FAM107B: variants seen among roughly 807,000 people sequenced by gnomAD.
The protein encoded by FAM107B is protein FAM107B.
A neutral mutation model predicts 31.5 loss-of-function variants in FAM107B; 21 were observed. The ratio of observed to expected loss-of-function variants is 0.67; its 90% confidence interval spans 0.47 to 0.96. The LOEUF is 0.96. Among genes scored for constraint, FAM107B ranks in the 40% least tolerant of loss-of-function variants. The pLI is 0.00. For missense variants in FAM107B, 452 were observed against 377.1 expected, an observed-to-expected ratio of 1.20 and a Z score of -1.64; for synonymous variants, 157 against 141.5, an observed-to-expected ratio of 1.11 and a Z score of -0.78.
At chr10:14,676,413 T>C (rs1272404360) in intron 1 of FAM107B, among the ~76,000 whole-genome samples, 1 of 152,112 alleles carries the variant, frequency 6.6e-6, no homozygotes, top group Non-Finnish European at 1.5e-5. Flanking sequence ...GCAAAAACTG[T>C]GCTTCCCTTT....
intron 2 of FAM107B, among the ~76,000 whole-genome samples, chr10:14,597,894 G>A (rs1281671088): frequency 3.3e-5 from 5 of 152,154 alleles, no homozygotes; most frequent in East Asian, 1.9e-4. Context: ...AGGTTGCAGT[G>A]AGCCGAGATG....
In FAM107B at chr10:14,583,100, A is replaced by AAG. The variant is rs1554836890; in HGVS notation, c.470-52586_470-52585insCT. ...AGACTCTGTCTCAAAAAAAAAAAAA[A>AAG]AAAAGAAAAGAAAGAAAGAAAGCCA... is the stretch of plus-strand genomic sequence containing the variant. On this transcript the variant is annotated intron_variant, in intron 2 of 4. Transcript: ENST00000181796. Among the ~76,000 whole-genome samples the AAG allele has an allele frequency of 3.9e-5, 6 of 151,990 alleles. No homozygotes were observed. The East Asian group carries it at 5.8e-4, about 15-fold the overall frequency.
chr10:14,758,873 G>GAAAAAAA (rs57967855), intron 1 of FAM107B, among the ~76,000 whole-genome samples: 1 of 38,980 alleles, frequency 2.6e-5, no homozygotes, highest in Non-Finnish European at 4.8e-5. Context: ...GACCCTCTCA[G>GAAAAAAA]AAAAAAAAAA....
chr10:14,739,870 C>A (rs552770987), intron 1 of FAM107B, among the ~76,000 whole-genome samples: 122 of 152,304 alleles, frequency 8.0e-4, no homozygotes, highest in Non-Finnish European at 1.5e-3. Context: ...AGGAGCAAGA[C>A]AGAGTCCTGA....
In FAM107B at chr10:14,588,461, G is replaced by A. The variant is rs145879765; in HGVS notation, c.470-57946C>T. 2.0e-4 allele frequency among the ~76,000 whole-genome samples: 30 copies of A among 152,284 alleles called. No homozygotes were observed. In the East Asian group the frequency reaches 4.4e-3, roughly 23 times the overall value. On this transcript the variant is annotated intron_variant, in intron 2 of 4. Coordinates refer to ENST00000181796, the MANE Select transcript of FAM107B (RefSeq NM_031453.4). ...GGGTCAGAGTACAAACCACGCCCACGTGAAAGTCTCCCTGGACGCTACCAG... is the reference window on the plus strand; with the variant it reads ...GGGTCAGAGTACAAACCACGCCCACATGAAAGTCTCCCTGGACGCTACCAG...
rs148415019 is a variant in FAM107B, at chr10:14,772,102, T to C, written c.411+2151A>G. ...CGGGCATGGTGGCTCACTCCTGTAA[T>C]CCCAGCACTTTGGGAGGCTGGGCGG... On this transcript the variant is annotated intron_variant, in intron 1 of 4. Coordinates refer to ENST00000181796, the MANE Select transcript of FAM107B (RefSeq NM_031453.4). 2.4e-3 allele frequency among the ~76,000 whole-genome samples: 364 copies of C among 152,220 alleles called. 7 individuals are homozygous for C. In the East Asian group the frequency reaches 0.052, roughly 22 times the overall value.
intron 2 of FAM107B, among the ~76,000 whole-genome samples, chr10:14,620,333 A>C (rs1331652582): frequency 6.6e-6 from 1 of 151,870 alleles, no homozygotes; most frequent in African/African-American, 2.4e-5. Flanking sequence ...TGGATTTTCT[A>C]TCCTGTTCCA....
intron 1 of FAM107B, among the ~76,000 whole-genome samples, chr10:14,725,619 C>CAGAGAGAGAGAA (rs1279936396): frequency 1.3e-5 from 2 of 150,624 alleles, no homozygotes; most frequent in East Asian, 3.9e-4. Context: ...GAGAGACAGA[C>CAGAGAGAGAGAA]AGAGAGAGAG....
intron 1 of FAM107B, among the ~76,000 whole-genome samples, chr10:14,727,677 T>C (rs1046804966): frequency 2.6e-5 from 4 of 152,230 alleles, no homozygotes; most frequent in Admixed American, 6.5e-5. Flanking sequence ...AGTTGTCCAC[T>C]GTGGCAGCTG....
intron 2 of FAM107B, among the ~76,000 whole-genome samples, chr10:14,608,746 A>G (rs1183978953): frequency 6.6e-6 from 1 of 152,230 alleles, no homozygotes; most frequent in African/African-American, 2.4e-5. Context: ...ACCATTAAAA[A>G]TGTCACAAGG....
intron 1 of FAM107B, among the ~76,000 whole-genome samples, chr10:14,720,341 C>T (rs1203658069): frequency 6.6e-6 from 1 of 152,186 alleles, no homozygotes; most frequent in Non-Finnish European, 1.5e-5. Context: ...GCAACCTCCG[C>T]CTCCCGTGTT....
In FAM107B at chr10:14,703,920, C is replaced by T. The variant is rs188194083; in HGVS notation, c.412-36229G>A. 4.6e-5 allele frequency among the ~76,000 whole-genome samples: 7 copies of T among 152,138 alleles called. No homozygotes were observed. In the South Asian group the frequency reaches 6.2e-4, roughly 14 times the overall value. The stretch of plus-strand genomic sequence containing the variant: ...TGAAGGGCTTGAGTAGAGAACCAGG[C>T]GTGATGATTTAAGAGCAAACATTTT... On this transcript the variant is annotated intron_variant, in intron 1 of 4. Coordinates refer to ENST00000181796, the MANE Select transcript of FAM107B (RefSeq NM_031453.4).
At chr10:14,555,160 G>T (rs1849589397) in intron 2 of FAM107B, among the ~76,000 whole-genome samples, 1 of 151,850 alleles carries the variant, frequency 6.6e-6, no homozygotes, top group South Asian at 2.1e-4. Flanking sequence ...TCAAACCAGA[G>T]GGATTTATAA....
rs1469883359 is a variant in FAM107B at position 14,572,738 on chromosome 10, TTTA to T, written c.470-42226_470-42224del. Among the ~76,000 whole-genome samples the T allele has an allele frequency of 1.3e-3, 158 of 120,188 alleles. 9 individuals carry two copies. Among genetic ancestry groups the T allele is most frequent in the African/African-American group, 4.8e-3 (148 of 30,664 alleles). The allele number at this position is 120,188 out of a possible 152,430, so 78.8% of individuals were successfully genotyped here. On this transcript the variant is annotated intron_variant, in intron 2 of 4. Transcript: ENST00000181796. Reference sequence around the variant, plus strand: ...CCATCTCTTCAAAAAAAAAAAAAAATTTATATATATATATATATATATTAGAGT... The same window carrying T: ...CCATCTCTTCAAAAAAAAAAAAAAATTATATATATATATATATATTAGAGT...
chr10:14,622,889 T>C (rs999006171), intron 2 of FAM107B, among the ~76,000 whole-genome samples: 2 of 152,220 alleles, frequency 1.3e-5, no homozygotes, highest in African/African-American at 4.8e-5. Flanking sequence ...GGGATTTCTT[T>C]CCTGTAGAAA....
At chr10:14,679,896 G>A (rs1020847379) in intron 1 of FAM107B, among the ~76,000 whole-genome samples, 6 of 152,122 alleles carry the variant, frequency 3.9e-5, no homozygotes, top group African/African-American at 7.2e-5. Flanking sequence ...TCTTTCTCCC[G>A]TGCTGGATGC....
At chr10:14,674,115 A>T (rs1456325253) in intron 1 of FAM107B, among the ~76,000 whole-genome samples, 1 of 152,234 alleles carries the variant, frequency 6.6e-6, no homozygotes. Context: ...TGCATCAAAG[A>T]CTTAAACGTA....
intron 1 of FAM107B, among the ~76,000 whole-genome samples, chr10:14,712,792 T>G (rs2768698): frequency 0.018 from 2,736 of 152,284 alleles, 97 homozygotes; most frequent in African/African-American, 0.064. Flanking sequence ...CTTTGTTTCT[T>G]AAATTTCCTT....
At chr10:14,699,387 T>G (rs1163573994) in intron 1 of FAM107B, among the ~76,000 whole-genome samples, 1 of 152,056 alleles carries the variant, frequency 6.6e-6, no homozygotes, top group Non-Finnish European at 1.5e-5. Flanking sequence ...GGTGGTGTAG[T>G]CCCAGAGCAA....
Sources: gnomAD v4.1 joint callset for allele counts (sites outside exome capture counted in the v4.1 genomes callset) on GRCh38, gnomAD v4.1.1 for gene constraint, MANE v1.5 for transcripts, NCBI Gene and HGNC (gene_info 2026-07-23, HGNC 2026-07-21) for gene names.